Variants in WNK3 observed in about 807,000 individuals in gnomAD.
WNK3 encodes the protein serine/threonine-protein kinase WNK3.
Under a neutral mutation model 116.7 loss-of-function variants are expected in WNK3, and 18 were observed. The observed-to-expected ratio is 0.15, with a 90% confidence interval of 0.11 to 0.23. The LOEUF is 0.23. WNK3 is among the 10% of genes least tolerant of loss of function. The pLI is 1.00. For missense variants in WNK3, 993 were observed against 1,323.8 expected (o/e 0.75, Z 3.88); for synonymous variants, 404 against 469.4 (o/e 0.86, Z 1.80).
intron 2 of WNK3, among the ~76,000 whole-genome samples, chrX:54,318,503 G>A (rs1401757321): frequency 3.6e-5 from 4 of 110,850 alleles, no homozygotes; most frequent in African/African-American, 1.3e-4. Flanking sequence ...AGGCTAGGAA[G>A]GAGTTCAAGA....
chrX:54,247,754 T>C (rs2068087406), intron 17 of WNK3, among the ~76,000 whole-genome samples: 1 of 110,570 alleles, frequency 9.0e-6, no homozygotes, highest in Non-Finnish European at 1.9e-5. Flanking sequence ...TGATCTACTG[T>C]AAAATGAAAA....
intron 17 of WNK3, among the ~76,000 whole-genome samples, chrX:54,242,425 T>C (rs2068031527): frequency 8.9e-6 from 1 of 112,066 alleles, no homozygotes; most frequent in Admixed American, 9.5e-5. Context: ...GAAAAGCTTA[T>C]ACTAAAATTC....
chrX:54,268,720 T>A (rs2068345589), intron 10 of WNK3, among the ~76,000 whole-genome samples: 1 of 110,410 alleles, frequency 9.1e-6, no homozygotes, highest in African/African-American at 3.3e-5. Context: ...ATTTTAACCA[T>A]CTAAATAAAT....
chrX:54,197,941 A>G (rs1370865515), exon 24 of WNK3: 1 of 109,444 alleles, frequency 9.1e-6, no homozygotes, highest in African/African-American at 4.2e-5. Flanking sequence ...CCAGCTGCAG[A>G]TAGCAGCAGT....
chrX:54,274,051 T>C (rs2068413685), intron 10 of WNK3, among the ~76,000 whole-genome samples: 1 of 111,203 alleles, frequency 9.0e-6, no homozygotes, highest in Non-Finnish European at 1.9e-5. Context: ...ATCAGACAGG[T>C]GAACAGGACC....
chrX:54,229,367 CA>C (rs202092630), intron 21 of WNK3, among the ~76,000 whole-genome samples: 3 of 107,324 alleles, frequency 2.8e-5, no homozygotes, highest in Non-Finnish European at 5.8e-5. Flanking sequence ...AAAAAAAAGA[CA>C]AAAAAAAGGA....
chrX:54,287,850 C>T (rs2068596885), intron 10 of WNK3, among the ~76,000 whole-genome samples: 1 of 111,887 alleles, frequency 8.9e-6, no homozygotes, highest in Non-Finnish European at 1.9e-5. Context: ...ACAGAAAAAT[C>T]ACAATCATCC....
chrX:54,244,016 T>G (rs1214243266), intron 17 of WNK3, among the ~76,000 whole-genome samples: 1 of 111,887 alleles, frequency 8.9e-6, no homozygotes, highest in Non-Finnish European at 1.9e-5. Context: ...ATATGAAATA[T>G]CTAGCATAAG....
At chrX:54,321,995 A>G (rs782350011) in intron 2 of WNK3, among the ~76,000 whole-genome samples, 60 of 110,129 alleles carry the variant, frequency 5.4e-4, no homozygotes, top group African/African-American at 1.9e-3. Flanking sequence ...AAAAAAAAAA[A>G]AAAGAAAGAA....
upstream of WNK3, among the ~76,000 whole-genome samples, chrX:54,358,307 T>G (rs1442164158): frequency 4.5e-5 from 5 of 110,556 alleles, no homozygotes; most frequent in African/African-American, 1.6e-4. Context: ...TCCTGTGTGT[T>G]CCGAAGCGCT....
chrX:54,251,926 ATGATG>A (rs2068134830), intron 13 of WNK3, among the ~76,000 whole-genome samples: 1 of 108,969 alleles, frequency 9.2e-6, no homozygotes, highest in Non-Finnish European at 1.9e-5. Flanking sequence ...TTAACTGGGT[ATGATG>A]GCGGGTGCCT....
chrX:54,336,199 G>C (rs1557175324), intron 1 of WNK3, among the ~76,000 whole-genome samples: 1 of 110,779 alleles, frequency 9.0e-6, no homozygotes, highest in African/African-American at 3.3e-5. Flanking sequence ...TGAGGCAGGA[G>C]AATCACTTGA....
At chrX:54,301,328 T>C (rs1557167440) in intron 6 of WNK3, among the ~76,000 whole-genome samples, 1 of 109,700 alleles carries the variant, frequency 9.1e-6, no homozygotes, top group Non-Finnish European at 1.9e-5. Flanking sequence ...GAGTTGTCTA[T>C]AAAGCAAATT....
intron 1 of WNK3, among the ~76,000 whole-genome samples, chrX:54,349,073 T>C (rs1308244323): frequency 2.7e-5 from 3 of 112,436 alleles, no homozygotes; most frequent in Non-Finnish European, 3.7e-5. Context: ...CAGTGGCTCA[T>C]GCCTGTAATC....
At chrX:54,324,733 T>C (rs1210661166) in intron 2 of WNK3, among the ~76,000 whole-genome samples, 1 of 112,502 alleles carries the variant, frequency 8.9e-6, no homozygotes, top group African/African-American at 3.2e-5. Context: ...AGCACTTTCT[T>C]ACACGGCTAA....
intron 22 of WNK3, among the ~76,000 whole-genome samples, chrX:54,207,076 A>C (rs2067561381): frequency 9.1e-6 from 1 of 110,030 alleles, no homozygotes; most frequent in Non-Finnish European, 1.9e-5. Context: ...TGCTGTTTTC[A>C]GATAAAATGC....
At chrX:54,202,177 C>T in exon 23 of WNK3, 1 of 1,204,492 alleles carries the variant, frequency 8.3e-7, no homozygotes, top group Non-Finnish European at 1.1e-6. Context: ...CTGCATTACT[C>T]TCCACACACA....
intron 1 of WNK3, among the ~76,000 whole-genome samples, chrX:54,344,078 A>G (rs1238045925): frequency 2.7e-5 from 3 of 112,549 alleles, no homozygotes; most frequent in South Asian, 3.6e-4. Context: ...ATATAAAAAT[A>G]TAAGTATTTT....
intron 1 of WNK3, among the ~76,000 whole-genome samples, chrX:54,334,979 G>A (rs782143204): frequency 9.0e-6 from 1 of 111,397 alleles, no homozygotes; most frequent in East Asian, 2.8e-4. Context: ...TAACACTGTA[G>A]GCTGGGCACG....
Sources: gnomAD v4.1 joint callset for allele counts (sites outside exome capture counted in the v4.1 genomes callset) on GRCh38, gnomAD v4.1.1 for gene constraint, MANE v1.5 for transcripts, NCBI Gene and HGNC (gene_info 2026-07-23, HGNC 2026-07-21) for gene names.